The following LDLRAD4 variants were observed in gnomAD, a reference collection of about 807,000 sequenced individuals.
The protein encoded by LDLRAD4 is low density lipoprotein receptor class A domain containing 4.
In LDLRAD4, 5 loss-of-function variants were observed where a neutral mutation model predicts 17.0. That is an observed-to-expected ratio of 0.29 (90% confidence interval 0.15 to 0.62). The LOEUF (loss-of-function observed/expected upper bound fraction) is 0.62. Among genes scored for constraint, LDLRAD4 ranks in the 20% least tolerant of loss-of-function variants. The pLI is 0.84. For synonymous variants in LDLRAD4, 168 were observed against 171.8 expected (o/e 0.98, Z 0.17); for missense variants, 340 against 424.7 (o/e 0.80, Z 1.75).
chr18:13,283,181 C>T (rs536060050), intron 1 of LDLRAD4, among the ~76,000 whole-genome samples: 143 of 152,214 alleles, frequency 9.4e-4, no homozygotes, highest in Non-Finnish European at 1.6e-3. Flanking sequence ...TCTGACAAGG[C>T]CTGGAGACAT....
intron 3 of LDLRAD4, among the ~76,000 whole-genome samples, chr18:13,509,709 A>G (rs1362668531): frequency 2.6e-5 from 4 of 152,252 alleles, no homozygotes; most frequent in African/African-American, 9.6e-5. Context: ...ATGCTATCAA[A>G]TAGCATTGCA....
At chr18:13,642,054 G>A (rs1301861643) in intron 4 of LDLRAD4, 5 of 985,354 alleles carry the variant, frequency 5.1e-6, no homozygotes, top group Non-Finnish European at 2.4e-6. Flanking sequence ...GTCTGTGCCT[G>A]CCAGGCCGGG....
chr18:13,224,001 C>T (rs2041611625), intron 1 of LDLRAD4, among the ~76,000 whole-genome samples: 1 of 152,198 alleles, frequency 6.6e-6, no homozygotes. Flanking sequence ...CTTCTTGTCC[C>T]CATACAGGTC....
intron 3 of LDLRAD4, among the ~76,000 whole-genome samples, chr18:13,501,563 G>A (rs952159936): frequency 7.0e-6 from 1 of 143,620 alleles, no homozygotes; most frequent in Non-Finnish European, 1.5e-5. Context: ...GGTTGGCATT[G>A]TGTATTTTCA....
At chr18:13,521,875 C>T (rs373763393) in intron 3 of LDLRAD4, 2 of 145,142 alleles carry the variant, frequency 1.4e-5, no homozygotes, top group Admixed American at 1.4e-4. Context: ...TCTGTTTTCT[C>T]TAAGGCTGGT....
chr18:13,650,193 C>T, exon 6 of LDLRAD4: 1 of 400,338 alleles, frequency 2.5e-6, no homozygotes, highest in Non-Finnish European at 4.4e-6. Context: ...ACCCGGCACG[C>T]TGTGTCCTTT....
At chr18:13,582,222 T>G (rs926883390) in intron 3 of LDLRAD4, among the ~76,000 whole-genome samples, 1 of 152,152 alleles carries the variant, frequency 6.6e-6, no homozygotes, top group African/African-American at 2.4e-5. Flanking sequence ...ACAGAAGCAC[T>G]CAGCAATGGC....
At chr18:13,446,773 G>A (rs1251012428) in intron 3 of LDLRAD4, among the ~76,000 whole-genome samples, 1 of 152,224 alleles carries the variant, frequency 6.6e-6, no homozygotes, top group South Asian at 2.1e-4. Flanking sequence ...TGCTGCGGGC[G>A]CCAAGAGCCC....
intron 3 of LDLRAD4, among the ~76,000 whole-genome samples, chr18:13,548,178 G>A (rs2094391223): frequency 6.6e-6 from 1 of 152,296 alleles, no homozygotes; most frequent in Non-Finnish European, 1.5e-5. Flanking sequence ...CTGAGTCTGG[G>A]GGGTTTTATG....
chr18:13,576,592 G>A (rs372152013), intron 3 of LDLRAD4, among the ~76,000 whole-genome samples: 2 of 152,240 alleles, frequency 1.3e-5, no homozygotes, highest in Non-Finnish European at 2.9e-5. Flanking sequence ...CTTAGGAGCT[G>A]GAGGGTGGGT....
intron 1 of LDLRAD4, chr18:13,241,397 C>T (rs2042641904): frequency 6.6e-6 from 1 of 152,270 alleles, no homozygotes; most frequent in South Asian, 2.1e-4. Context: ...AGGGTAGCCT[C>T]CCGGGTGCTG....
chr18:13,310,113 G>A (rs925028044), intron 1 of LDLRAD4, among the ~76,000 whole-genome samples: 2 of 151,852 alleles, frequency 1.3e-5, no homozygotes, highest in African/African-American at 4.8e-5. Flanking sequence ...GCTGAGGTTG[G>A]GGGATCGGAT....
chr18:13,386,493 G>T (rs1233433483), intron 1 of LDLRAD4, among the ~76,000 whole-genome samples: 1 of 151,664 alleles, frequency 6.6e-6, no homozygotes, highest in African/African-American at 2.4e-5. Flanking sequence ...TCAGCCTCCC[G>T]AGTAGCTGGG....
At chr18:13,321,899 A>AAAAGAAAAGG in intron 1 of LDLRAD4, among the ~76,000 whole-genome samples, 1 of 117,422 alleles carries the variant, frequency 8.5e-6, no homozygotes, top group African/African-American at 3.5e-5. Context: ...AAAAAAAAAA[A>AAAAGAAAAGG]AAAGAAAAGA....
intron 2 of LDLRAD4, among the ~76,000 whole-genome samples, chr18:13,429,112 G>A (rs1235273859): frequency 3.3e-5 from 5 of 152,140 alleles, no homozygotes; most frequent in Non-Finnish European, 4.4e-5. Context: ...GTGGAGAGGA[G>A]TGCAGTGCCA....
chr18:13,504,934 C>T (rs938015603), intron 3 of LDLRAD4, among the ~76,000 whole-genome samples: 6 of 152,220 alleles, frequency 3.9e-5, no homozygotes, highest in South Asian at 2.1e-4. Flanking sequence ...ACACATGCAC[C>T]GACGAGGGGT....
intron 3 of LDLRAD4, among the ~76,000 whole-genome samples, chr18:13,617,508 T>G (rs1038505998): frequency 1.3e-5 from 2 of 152,026 alleles, no homozygotes; most frequent in African/African-American, 4.8e-5. Flanking sequence ...TTAGAGGCCA[T>G]AAAGGAAAAA....
At chr18:13,316,753 C>T (rs1013402241) in intron 1 of LDLRAD4, among the ~76,000 whole-genome samples, 2 of 152,050 alleles carry the variant, frequency 1.3e-5, no homozygotes, top group Non-Finnish European at 2.9e-5. Context: ...TTACAATCTC[C>T]AAAGTAACCA....
chr18:13,233,203 C>T (rs1390819218), intron 1 of LDLRAD4, among the ~76,000 whole-genome samples: 1 of 152,252 alleles, frequency 6.6e-6, no homozygotes, highest in East Asian at 1.9e-4. Flanking sequence ...ACACGGGTCA[C>T]TGGCCGCTAA....
Sources: gnomAD v4.1 joint callset for allele counts (sites outside exome capture counted in the v4.1 genomes callset) on GRCh38, gnomAD v4.1.1 for gene constraint, MANE v1.5 for transcripts, NCBI Gene and HGNC (gene_info 2026-07-23, HGNC 2026-07-21) for gene names.